Variants in KIF25 observed in about 807,000 individuals in gnomAD.
KIF25 encodes kinesin family member 25, also known as kinesin-like protein KIF25.
A neutral mutation model predicts 32.9 loss-of-function variants in KIF25; 19 were observed. The ratio of observed to expected loss-of-function variants is 0.58; its 90% CI spans 0.40 to 0.85. The LOEUF (loss-of-function observed/expected upper bound fraction) is 0.85, where lower values mean the gene tolerates loss of function less well. Among genes scored for constraint, KIF25 ranks in the 40% least tolerant of loss-of-function variants. The pLI, the probability that KIF25 is intolerant of heterozygous loss-of-function variation, is 0.00. For synonymous variants in KIF25, 225 were observed against 213.7 expected, an observed-to-expected ratio of 1.05 and a Z score of -0.46; for missense variants, 485 against 507.0, an observed-to-expected ratio of 0.96 and a Z score of 0.42.
chr6:168,005,577 G>A (rs1798568985), intron 4 of KIF25, among the ~76,000 whole-genome samples: 1 of 152,164 alleles, frequency 6.6e-6, no homozygotes, highest in South Asian at 2.1e-4. Flanking sequence ...GAGTTTATTA[G>A]GTATTAACTC....
chr6:168,042,234 C>A, intron 11 of KIF25, 83 bp downstream of exon 11: 2 of 1,380,626 alleles, frequency 1.4e-6, no homozygotes, highest in Non-Finnish European at 2.0e-6. Context: ...AACCAGGCAG[C>A]CCGGGAAGCT....
Position 168,038,546 on chromosome 6 carries a change from C to T in KIF25, c.318-7C>T, listed in dbSNP as rs1179165571. 6 of 1,613,584 alleles carry T rather than the reference C, an allele frequency of 3.7e-6. No homozygotes were observed. Among genetic ancestry groups the T allele is most frequent in the Admixed American group, 1.7e-5 (1 of 59,972 alleles). ...TCTGTAAGTTTCTCTTGTGTGTTTT[C>T]CCGCAGGCTCATTTTGGAAAATACC... On this transcript the variant is annotated splice_polypyrimidine_tract_variant and splice_region_variant and intron_variant, in intron 8 of 12. Transcript: ENST00000643607.
intron 9 of KIF25, 75 bp downstream of exon 9, chr6:168,038,804 G>T: frequency 3.4e-6 from 5 of 1,477,368 alleles, no homozygotes; most frequent in Non-Finnish European, 4.6e-6. Flanking sequence ...TGGTCAGGAG[G>T]CTGCACGTCT....
chr6:168,012,434 A>G (rs1243338675), intron 4 of KIF25, among the ~76,000 whole-genome samples: 1 of 152,112 alleles, frequency 6.6e-6, no homozygotes, highest in Non-Finnish European at 1.5e-5. Flanking sequence ...GGTGTTTGTG[A>G]GTTTCTCAGT....
chr6:168,011,870 ATC>A (rs1442449516), intron 4 of KIF25, among the ~76,000 whole-genome samples: 1 of 152,032 alleles, frequency 6.6e-6, no homozygotes, highest in African/African-American at 2.4e-5. Context: ...ATTTTTTATT[ATC>A]TCTCTTTCCC....
At chr6:168,029,467 G>A (rs1221737582) in intron 5 of KIF25, 25 bp from the exon 6 acceptor site, 29 of 1,480,806 alleles carry the variant, frequency 2.0e-5, no homozygotes, top group Non-Finnish European at 6.3e-6. Flanking sequence ...ATACTGTTAC[G>A]TTTTCAAGTC....
intron 2 of KIF25, among the ~76,000 whole-genome samples, chr6:168,001,708 C>CT (rs1477630046): frequency 9.1e-4 from 98 of 107,834 alleles, no homozygotes; most frequent in East Asian, 1.8e-3. Flanking sequence ...GAGAAGACAC[C>CT]TGAGGCGTGG....
chr6:167,998,092 G>A lies in KIF25; in HGVS notation c.-1377G>A, dbSNP rs1322384945. On this transcript the variant is annotated 5_prime_UTR_variant, in exon 1 of 13. Transcript: ENST00000643607. ...CTTCACAATAGCACCACCTCTCTGG[G>A]TTGCTATAAAGACAAAGGGAGATAT... The A allele has an allele frequency of 6.6e-6, 1 of 151,434 alleles. No homozygotes were observed. The highest frequency in any genetic ancestry group is 2.4e-5 in the African/African-American group (1 of 41,198). The allele number at this position is 151,434 out of a possible 1,614,324, so 9.4% of individuals were successfully genotyped here.
intron 4 of KIF25, among the ~76,000 whole-genome samples, chr6:168,006,318 A>T (rs1174940827): frequency 6.6e-6 from 1 of 151,802 alleles, no homozygotes; most frequent in African/African-American, 2.4e-5. Flanking sequence ...CTAGGATTGT[A>T]GGCGTGAGCC....
chr6:168,019,509 G>T (rs1798759584), intron 5 of KIF25, among the ~76,000 whole-genome samples: 1 of 152,182 alleles, frequency 6.6e-6, no homozygotes, highest in Non-Finnish European at 1.5e-5. Context: ...TGGGATGCAG[G>T]AGAAAGACGG....
rs1232457570 is a variant in KIF25, at chr6:167,999,127, C to T, written c.-563C>T. The T allele has an allele frequency of 6.6e-6, 1 of 152,326 alleles. No individual in the cohort carries two copies. The highest frequency in any genetic ancestry group is 1.9e-4 in the East Asian group (1 of 5,202). The allele number at this position is 152,326 out of a possible 1,614,324, so 9.4% of individuals were successfully genotyped here. On this transcript the variant is annotated 5_prime_UTR_variant, in exon 2 of 13. Coordinates refer to ENST00000643607, the MANE Select transcript of KIF25 (RefSeq NM_030615.4). ...AAGTGGAGACAGGTGCTGCAGATCT[C>T]ACGGCCGCGTCTCAGGAGCTGGTGC...
Position 168,043,125 on chromosome 6 carries a change from G to A in KIF25, c.985+409G>A, listed in dbSNP as rs566157347. On this transcript the variant is annotated intron_variant, in intron 12 of 12. Transcript: ENST00000643607. Reference sequence around the variant, plus strand: ...GGGGGCAGGTGCCAGAAGCCTGGACGCAACAGATTAAGCACCAGTGCCAGG... The same window carrying A: ...GGGGGCAGGTGCCAGAAGCCTGGACACAACAGATTAAGCACCAGTGCCAGG... Among the ~76,000 whole-genome samples, 247 of 152,272 alleles carry A rather than the reference G, an allele frequency of 1.6e-3. 1 individual carries two copies. The highest frequency in any genetic ancestry group is 5.7e-3 in the African/African-American group (238 of 41,568).
intron 5 of KIF25, among the ~76,000 whole-genome samples, chr6:168,024,357 C>T (rs1416903634): frequency 1.3e-5 from 2 of 149,094 alleles, no homozygotes; most frequent in Non-Finnish European, 3.0e-5. Context: ...CTTTCTTCCA[C>T]TATTGATTTT....
chr6:168,001,709 TGAGGCG>T (rs1562378909), intron 2 of KIF25, among the ~76,000 whole-genome samples: 8 of 100,660 alleles, frequency 7.9e-5, no homozygotes, highest in African/African-American at 2.1e-4. Flanking sequence ...AGAAGACACC[TGAGGCG>T]TGGCCGCGGG....
rs879853156 is a variant in KIF25 at position 168,003,635 on chromosome 6, C to G, written c.-231C>G. The stretch of plus-strand genomic sequence containing the variant: ...TCAGCTCCATCTCTAGAGAAGCGGC[C>G]CATGCTGTTGATGACCTGAGTCTAC... On this transcript the variant is annotated 5_prime_UTR_variant, in exon 4 of 13. Coordinates refer to ENST00000643607, the MANE Select transcript of KIF25 (RefSeq NM_030615.4). 6.6e-6 allele frequency: 1 copy of G among 152,154 alleles called. No homozygotes were observed. Among genetic ancestry groups the G allele is most frequent in the Admixed American group, 6.5e-5 (1 of 15,274 alleles). 9.4% of individuals were successfully genotyped at this position (152,154 alleles called of 1,614,324 possible).
chr6:168,016,413 G>A (rs1798715038), intron 4 of KIF25, among the ~76,000 whole-genome samples: 1 of 152,240 alleles, frequency 6.6e-6, no homozygotes, highest in South Asian at 2.1e-4. Flanking sequence ...TCGTTTCTGT[G>A]CTGCGATGGA....
intron 4 of KIF25, among the ~76,000 whole-genome samples, chr6:168,004,193 C>T (rs1583124017): frequency 6.6e-6 from 1 of 152,106 alleles, no homozygotes; most frequent in South Asian, 2.1e-4. Context: ...TTTGACACCT[C>T]GCATCTGGGC....
chr6:167,999,513 C>T (rs768790015), intron 2 of KIF25, among the ~76,000 whole-genome samples, 193 bp downstream of exon 2: 15 of 152,236 alleles, frequency 9.9e-5, no homozygotes, highest in East Asian at 1.9e-4. Flanking sequence ...CTCTGTAATA[C>T]GGCCTGCAAA....
intron 4 of KIF25, among the ~76,000 whole-genome samples, chr6:168,006,416 TG>T (rs1798580998): frequency 6.6e-6 from 1 of 152,186 alleles, no homozygotes; most frequent in African/African-American, 2.4e-5. Flanking sequence ...ATCTGTTGTC[TG>T]GTTTTGAATG....
Sources: gnomAD v4.1 joint callset for allele counts (sites outside exome capture counted in the v4.1 genomes callset) on GRCh38, gnomAD v4.1.1 for gene constraint, MANE v1.5 for transcripts, NCBI Gene and HGNC (gene_info 2026-07-23, HGNC 2026-07-21) for gene names.